The following CSGALNACT1 variants were observed in gnomAD, a reference collection of about 807,000 sequenced individuals.
CSGALNACT1 encodes chondroitin sulfate N-acetylgalactosaminyltransferase 1.
A neutral mutation model predicts 51.0 loss-of-function variants in CSGALNACT1; 52 were observed. The ratio of observed to expected loss-of-function variants is 1.02; its 90% confidence interval spans 0.82 to 1.29. The LOEUF (loss-of-function observed/expected upper bound fraction) is 1.29. Ranked by LOEUF, CSGALNACT1 falls within the 50% of genes most tolerant of loss-of-function variation. CSGALNACT1 has a pLI of 0.00. For missense variants in CSGALNACT1, 935 were observed against 679.2 expected (o/e 1.38, Z -4.19); for synonymous variants, 341 against 254.4 (o/e 1.34, Z -3.24).
chr8:19,431,392 CAA>C (rs1433225677), intron 6 of CSGALNACT1, among the ~76,000 whole-genome samples: 2 of 152,004 alleles, frequency 1.3e-5, no homozygotes, highest in East Asian at 3.9e-4. Context: ...GGATTTTTAA[CAA>C]ATGCTTTTCC....
rs555374865 is a variant in CSGALNACT1, at chr8:19,501,196, G to C, written c.634+4005C>G. Among the ~76,000 whole-genome samples, 6 of 145,470 alleles carry C rather than the reference G, an allele frequency of 4.1e-5. No homozygotes were observed. The South Asian group carries it at 1.3e-3, about 31-fold the overall frequency. Reference sequence around the variant, plus strand: ...AACTGGGAGACAGAGGTTGAAGTGAGCTGAGATAGAATCAGCCTGCAGCCT... The same window carrying C: ...AACTGGGAGACAGAGGTTGAAGTGACCTGAGATAGAATCAGCCTGCAGCCT... On this transcript the variant is annotated intron_variant, in intron 4 of 9. Transcript: ENST00000454498.
intron 6 of CSGALNACT1, among the ~76,000 whole-genome samples, chr8:19,428,010 G>C (rs144488797): frequency 1.3e-5 from 2 of 152,242 alleles, no homozygotes; most frequent in African/African-American, 4.8e-5. Flanking sequence ...GCTCAAGGTT[G>C]CTACCTTAGG....
intron 6 of CSGALNACT1, among the ~76,000 whole-genome samples, chr8:19,424,283 T>C (rs1467503717): frequency 6.6e-6 from 1 of 152,104 alleles, no homozygotes; most frequent in Non-Finnish European, 1.5e-5. Context: ...CCATCTGTGT[T>C]TCCCAGGGTG....
chr8:19,463,721 C>G (rs1266386826), intron 4 of CSGALNACT1, among the ~76,000 whole-genome samples: 1 of 152,164 alleles, frequency 6.6e-6, no homozygotes, highest in East Asian at 1.9e-4. Flanking sequence ...TTTAAACACC[C>G]TACCTGGCAC....
intron 3 of CSGALNACT1, among the ~76,000 whole-genome samples, chr8:19,543,667 A>G (rs2154073687): frequency 6.6e-6 from 1 of 152,296 alleles, no homozygotes; most frequent in South Asian, 2.1e-4. Flanking sequence ...TGCACTCTTT[A>G]TGTAGCCTTT....
intron 5 of CSGALNACT1, among the ~76,000 whole-genome samples, chr8:19,452,533 G>T (rs1250488298): frequency 5.9e-5 from 9 of 152,066 alleles, no homozygotes; most frequent in African/African-American, 2.2e-4. Flanking sequence ...GAGACATGCT[G>T]AGAGCTGATG....
intron 1 of CSGALNACT1, among the ~76,000 whole-genome samples, chr8:19,646,479 G>A (rs1326627221): frequency 2.6e-5 from 4 of 152,200 alleles, no homozygotes; most frequent in African/African-American, 4.8e-5. Context: ...ATTACATTAA[G>A]GGTAGTGGAA....
At chr8:19,724,246 T>C (rs1388257950) in intron 1 of CSGALNACT1, among the ~76,000 whole-genome samples, 1 of 152,164 alleles carries the variant, frequency 6.6e-6, no homozygotes, top group Non-Finnish European at 1.5e-5. Flanking sequence ...AGGTCAGAAG[T>C]CCAAAATGCA....
chr8:19,515,665 C>G (rs1273579123), intron 3 of CSGALNACT1, among the ~76,000 whole-genome samples: 1 of 152,190 alleles, frequency 6.6e-6, no homozygotes, highest in Non-Finnish European at 1.5e-5. Flanking sequence ...AATGAAAGCA[C>G]ACTGATCACA....
chr8:19,506,511 C>G (rs1004810011), intron 3 of CSGALNACT1, among the ~76,000 whole-genome samples: 1 of 152,136 alleles, frequency 6.6e-6, no homozygotes, highest in Non-Finnish European at 1.5e-5. Context: ...TTGCTGGCAG[C>G]GGACTACTTG....
At chr8:19,456,488 A>T (rs1306705548) in intron 5 of CSGALNACT1, among the ~76,000 whole-genome samples, 1 of 152,228 alleles carries the variant, frequency 6.6e-6, no homozygotes, top group African/African-American at 2.4e-5. Context: ...TGCAAACCAC[A>T]TTCAGGTTCA....
intron 6 of CSGALNACT1, among the ~76,000 whole-genome samples, chr8:19,438,278 G>A (rs2060724727): frequency 1.3e-5 from 2 of 152,110 alleles, no homozygotes; most frequent in South Asian, 4.2e-4. Flanking sequence ...TCTCAATTGT[G>A]GCTTCACTTT....
chr8:19,534,539 A>C (rs1395686824), intron 3 of CSGALNACT1, among the ~76,000 whole-genome samples: 1 of 152,176 alleles, frequency 6.6e-6, no homozygotes, highest in Admixed American at 6.5e-5. Flanking sequence ...ATTGCTGTAG[A>C]TGGTGGTGCA....
At chr8:19,530,723 C>T (rs62493889) in intron 3 of CSGALNACT1, among the ~76,000 whole-genome samples, 32,672 of 151,950 alleles carry the variant, frequency 0.22, 3,837 homozygotes, top group African/African-American at 0.32. Flanking sequence ...AGAGCAAGAC[C>T]TTATCTCATA....
chr8:19,545,277 G>C (rs1051391763), intron 3 of CSGALNACT1, among the ~76,000 whole-genome samples: 1 of 152,106 alleles, frequency 6.6e-6, no homozygotes, highest in Admixed American at 6.6e-5. Context: ...TGGTTGAGCA[G>C]AAATGAGATG....
At chr8:19,685,115 A>T (rs2060898460), upstream of CSGALNACT1, among the ~76,000 whole-genome samples, 2 of 152,244 alleles carry the variant, frequency 1.3e-5, no homozygotes, top group African/African-American at 4.8e-5. Context: ...GAGATCAGGT[A>T]TGTAAAAATG....
chr8:19,751,213 C>A lies in CSGALNACT1; in HGVS notation c.-297+6637G>T, dbSNP rs544160961. Among the ~76,000 whole-genome samples, 4 of 152,216 alleles carry A rather than the reference C, an allele frequency of 2.6e-5. No individual in the cohort carries two copies. In the South Asian group the frequency reaches 8.3e-4, roughly 32 times the overall value. ...GGAGCCAGGCAGACGTGCACTAAGGCCCAGCTACACCACTTACTAGCTGAC... is the reference window on the plus strand; with the variant it reads ...GGAGCCAGGCAGACGTGCACTAAGGACCAGCTACACCACTTACTAGCTGAC... On this transcript the variant is annotated intron_variant, in intron 1 of 1. Transcript: ENST00000517494.
intron 1 of CSGALNACT1, among the ~76,000 whole-genome samples, chr8:19,710,410 T>C (rs17090903): frequency 0.064 from 9,704 of 152,188 alleles, 336 homozygotes; most frequent in South Asian, 0.11. Flanking sequence ...GTAAAAGAAA[T>C]AGATCGCCTT....
intron 3 of CSGALNACT1, among the ~76,000 whole-genome samples, chr8:19,564,561 C>T (rs1276177354): frequency 6.6e-6 from 1 of 152,132 alleles, no homozygotes; most frequent in Non-Finnish European, 1.5e-5. Context: ...TCGAAGCTGC[C>T]CACACTCATT....
Sources: gnomAD v4.1 joint callset for allele counts (sites outside exome capture counted in the v4.1 genomes callset) on GRCh38, gnomAD v4.1.1 for gene constraint, MANE v1.5 for transcripts, NCBI Gene and HGNC (gene_info 2026-07-23, HGNC 2026-07-21) for gene names.